NUP205: variants seen among roughly 807,000 people sequenced by gnomAD.
NUP205 encodes nucleoporin 205.
NUP205 carries 76 observed loss-of-function variants against 253.8 expected under a neutral mutation model. The ratio of observed to expected loss-of-function variants is 0.30; its 90% CI spans 0.25 to 0.36. The LOEUF is 0.36. Among genes scored for constraint, NUP205 ranks in the 10% least tolerant of loss-of-function variants. The pLI, the probability that NUP205 is intolerant of heterozygous loss-of-function variation, is 1.00. For missense variants in NUP205, 2,162 were observed against 2,425.5 expected, an observed-to-expected ratio of 0.89 and a Z score of 2.28; for synonymous variants, 832 against 850.1, an observed-to-expected ratio of 0.98 and a Z score of 0.37.
At chr7:135,640,986 G>A (rs116541628) in intron 38 of NUP205, among the ~76,000 whole-genome samples, 1,594 of 152,024 alleles carry the variant, frequency 0.01, 32 homozygotes, top group African/African-American at 0.036. Context: ...GATCACATGA[G>A]CCCAGAAGTT....
In NUP205 at chr7:135,619,449, G is replaced by A. The variant is rs754801228; in HGVS notation, c.3990G>A (p.Glu1330=). Reference sequence around the variant, plus strand: ...TACTGGATGATGAAGCTGCGCAAGAGTTAATGCCTGTGGTCGCCGGGGCAG... The same window carrying A: ...TACTGGATGATGAAGCTGCGCAAGAATTAATGCCTGTGGTCGCCGGGGCAG... The part of the protein sequence containing the change: ...DKILDDEAAQ[E]LMPVVAGAVF... Residue 1330 remains glutamate, a synonymous_variant, in exon 29 of 43, where the codon GAG becomes GAA. Transcript: ENST00000285968. The A allele has an allele frequency of 6.6e-5, 107 of 1,613,044 alleles. 1 individual carries two copies. The highest frequency in any genetic ancestry group is 1.9e-4 in the Middle Eastern group (1 of 5,250).
chr7:135,630,932 G>GTT (rs370208253), intron 35 of NUP205, among the ~76,000 whole-genome samples: 5,387 of 148,498 alleles, frequency 0.036, 124 homozygotes, highest in Middle Eastern at 0.097. Flanking sequence ...TCTCTGTTTT[G>GTT]TTTTGTTTTT....
chr7:135,590,084 C>T (rs1806584485), intron 10 of NUP205, among the ~76,000 whole-genome samples: 1 of 150,592 alleles, frequency 6.6e-6, no homozygotes, highest in African/African-American at 2.4e-5. Flanking sequence ...ATGTTTGCTT[C>T]ATCTACTATA....
chr7:135,587,799 G>A, intron 9 of NUP205, 56 bp from the exon 10 acceptor site: 1 of 1,534,572 alleles, frequency 6.5e-7, no homozygotes, highest in Non-Finnish European at 8.8e-7. Context: ...TTTTTTTATT[G>A]AAAGTAATTT....
intron 9 of NUP205, 54 bp from the exon 10 acceptor site, chr7:135,587,801 A>T: frequency 6.4e-7 from 1 of 1,550,790 alleles, no homozygotes. Flanking sequence ...TTTTTATTGA[A>T]AGTAATTTTT....
In NUP205 at chr7:135,616,004, G is replaced by T; in HGVS notation, c.3399G>T (p.Arg1133=). 1 of 1,613,850 alleles carries T rather than the reference G, an allele frequency of 6.2e-7. No individual in the cohort carries two copies. The highest frequency in any genetic ancestry group is 8.5e-7 in the Non-Finnish European group (1 of 1,179,798). ...GGGTAACCTCTCTGAATCGTCAGCGGTCACATACCCAGAGGCTCCTACACC... is the reference window on the plus strand; with the variant it reads ...GGGTAACCTCTCTGAATCGTCAGCGTTCACATACCCAGAGGCTCCTACACC... ...ELRVTSLNRQ[R]SHTQRLLHLL... Residue 1133 remains arginine (R), a synonymous_variant, in exon 24 of 43, where the codon CGG becomes CGT. Transcript: ENST00000285968.
chr7:135,643,344 G>C lies in NUP205; in HGVS notation c.5545G>C (p.Asp1849His). The change falls in exon 39 of 43, where the codon GAT (aspartate) becomes CAT (histidine). Residue 1849 changes from aspartate to histidine, a missense_variant. Coordinates refer to ENST00000285968, the MANE Select transcript of NUP205 (RefSeq NM_015135.3). ...KLQNVEQLPP[D>H]EIKELCQSVM... ...ACAAAATGTAGAGCAGCTTCCCCCA[G>C]ATGAGATAAAAGAGGTACGAATCTT... The C allele has an allele frequency of 6.2e-7, 1 of 1,613,928 alleles. No homozygotes were observed. Among genetic ancestry groups the C allele is most frequent in the Non-Finnish European group, 8.5e-7 (1 of 1,179,902 alleles).
intron 33 of NUP205, 82 bp downstream of exon 33, chr7:135,626,443 C>G: frequency 6.9e-7 from 1 of 1,454,200 alleles, no homozygotes; most frequent in Non-Finnish European, 9.3e-7. Context: ...CATAATTTTG[C>G]CGCTTAGCAA....
chr7:135,588,545 G>A (rs1806535713), intron 10 of NUP205, among the ~76,000 whole-genome samples: 2 of 150,678 alleles, frequency 1.3e-5, no homozygotes, highest in African/African-American at 4.9e-5. Flanking sequence ...GATATGTGTT[G>A]AATTATTAGA....
chr7:135,601,778 A>G (rs1395572126), intron 17 of NUP205, among the ~76,000 whole-genome samples: 5 of 152,140 alleles, frequency 3.3e-5, no homozygotes, highest in African/African-American at 1.2e-4. Flanking sequence ...CATCTTTAAC[A>G]TCCCTAACTT....
At chr7:135,603,101 G>A (rs1793997954) in intron 18 of NUP205, 107 bp downstream of exon 18, 2 of 688,924 alleles carry the variant, frequency 2.9e-6, no homozygotes, top group Non-Finnish European at 4.4e-6. Flanking sequence ...TTTTATTTTT[G>A]CCTCATTTTA....
intron 1 of NUP205, among the ~76,000 whole-genome samples, chr7:135,568,836 G>T (rs1195533360): frequency 6.6e-6 from 1 of 152,130 alleles, no homozygotes; most frequent in Non-Finnish European, 1.5e-5. Context: ...GCTGATGTTT[G>T]TTGCCCAGAT....
Position 135,619,405 on chromosome 7 carries a change from T to G in NUP205, c.3964-18T>G. 6 of 1,604,054 alleles carry G rather than the reference T, an allele frequency of 3.7e-6. No homozygotes were observed. Among genetic ancestry groups the G allele is most frequent in the Non-Finnish European group, 5.1e-6 (6 of 1,175,596 alleles). ...CTGAAAGCAGGATTCTCACTCTAATTTGCCCTTGTCCTTTAAGATACTGGA... is the reference window on the plus strand; with the variant it reads ...CTGAAAGCAGGATTCTCACTCTAATGTGCCCTTGTCCTTTAAGATACTGGA... On this transcript the variant is annotated intron_variant, in intron 28 of 42. Coordinates refer to ENST00000285968, the MANE Select transcript of NUP205 (RefSeq NM_015135.3).
At chr7:135,635,493 C>A (rs1794789848) in intron 35 of NUP205, 88 bp from the exon 36 acceptor site, 4 of 760,324 alleles carry the variant, frequency 5.3e-6, no homozygotes, top group South Asian at 2.0e-5. Context: ...TGCACATAAA[C>A]AATATAAAAT....
chr7:135,645,372 A>G, intron 40 of NUP205, 96 bp from the exon 41 acceptor site: 2 of 1,264,762 alleles, frequency 1.6e-6, no homozygotes, highest in Middle Eastern at 3.9e-4. Flanking sequence ...TACCTCATTA[A>G]GTGAGTGCAG....
At chr7:135,626,163 A>G (rs1197019327) in intron 32 of NUP205, 77 bp from the exon 33 acceptor site, 13 of 1,563,172 alleles carry the variant, frequency 8.3e-6, no homozygotes, top group Non-Finnish European at 1.1e-5. Context: ...GAAATTTGCC[A>G]TCAAAGTGTT....
At chr7:135,646,870 A>G (rs777085143) in intron 42 of NUP205, among the ~76,000 whole-genome samples, 4 of 152,250 alleles carry the variant, frequency 2.6e-5, no homozygotes, top group Non-Finnish European at 2.9e-5. Flanking sequence ...TACCTAGAAC[A>G]TGGTAAGCAT....
At chr7:135,613,245 C>T (rs1343191710) in intron 22 of NUP205, among the ~76,000 whole-genome samples, 5 of 151,610 alleles carry the variant, frequency 3.3e-5, no homozygotes, top group Non-Finnish European at 5.9e-5. Flanking sequence ...CTTTTACCAT[C>T]TGGGGTACTT....
Position 135,577,189 on chromosome 7 carries a change from A to G in NUP205, c.648+61A>G. The G allele has an allele frequency of 2.1e-6, 3 of 1,458,816 alleles. No homozygotes were observed. In the East Asian group the frequency reaches 6.9e-5, roughly 33 times the overall value. The allele number at this position is 1,458,816 out of a possible 1,614,324, so 90.4% of individuals were successfully genotyped here. ...GTCAAATCTCAGAGGCAGAAACATG[A>G]CAATTAGAATGTTCATTTTTTCAAG... On this transcript the variant is annotated intron_variant, in intron 5 of 42. Transcript: ENST00000285968.
Sources: gnomAD v4.1 joint callset for allele counts (sites outside exome capture counted in the v4.1 genomes callset) on GRCh38, gnomAD v4.1.1 for gene constraint, MANE v1.5 for transcripts, NCBI Gene and HGNC (gene_info 2026-07-23, HGNC 2026-07-21) for gene names.